Variants in TMEM44 observed in about 807,000 individuals in gnomAD.
TMEM44 encodes the protein transmembrane protein 44.
A neutral mutation model predicts 47.8 loss-of-function variants in TMEM44; 43 were observed. The ratio of observed to expected loss-of-function variants is 0.90; its 90% CI spans 0.70 to 1.16. The LOEUF (loss-of-function observed/expected upper bound fraction) is 1.16. Among genes scored for constraint, TMEM44 ranks in the 50% most tolerant of loss-of-function variants. The probability of loss-of-function intolerance (pLI) is 0.00; values close to 1 mark genes in which losing one functional copy is unlikely to be tolerated. For synonymous variants in TMEM44, 277 were observed against 238.8 expected (o/e 1.16, Z -1.48); for missense variants, 568 against 555.2 (o/e 1.02, Z -0.23).
intron 8 of TMEM44, among the ~76,000 whole-genome samples, chr3:194,608,739 C>T (rs970375435): frequency 2.6e-5 from 4 of 152,154 alleles, no homozygotes; most frequent in African/African-American, 4.8e-5. Flanking sequence ...GATGGGGTCT[C>T]GCTATGTGGT....
intron 5 of TMEM44, among the ~76,000 whole-genome samples, chr3:194,619,888 T>C (rs1169895014): frequency 2.6e-5 from 4 of 152,136 alleles, no homozygotes; most frequent in East Asian, 3.9e-4. Flanking sequence ...CAGGCTTCAA[T>C]ACCTTGTAGT....
chr3:194,603,104 C>A (rs899814442), intron 9 of TMEM44, among the ~76,000 whole-genome samples: 15 of 152,224 alleles, frequency 9.9e-5, no homozygotes, highest in African/African-American at 3.4e-4. Context: ...TTGTGGTTCT[C>A]ATTTTTCCAC....
At chr3:194,617,052 C>A (rs1051764436) in intron 6 of TMEM44, 47 bp downstream of exon 6, 1 of 1,444,788 alleles carries the variant, frequency 6.9e-7, no homozygotes, top group East Asian at 2.6e-5. Flanking sequence ...GAGACACAGG[C>A]CTCCTCTGGC....
chr3:194,625,126 C>T (rs1717002840), intron 3 of TMEM44, among the ~76,000 whole-genome samples: 2 of 152,230 alleles, frequency 1.3e-5, no homozygotes, highest in Non-Finnish European at 2.9e-5. Flanking sequence ...CATTTCCGAC[C>T]CCTGCTGTGC....
intron 7 of TMEM44, among the ~76,000 whole-genome samples, chr3:194,613,297 C>A (rs1435812663): frequency 6.6e-6 from 1 of 151,954 alleles, no homozygotes; most frequent in Non-Finnish European, 1.5e-5. Flanking sequence ...CATGTCTCAG[C>A]CTCCTGAGTA....
chr3:194,613,821 T>C (rs1715590186), intron 7 of TMEM44, among the ~76,000 whole-genome samples: 1 of 150,650 alleles, frequency 6.6e-6, no homozygotes. Context: ...ATCAGATTTC[T>C]AGCATAAAAA....
chr3:194,620,625 A>G (rs1166389980), intron 5 of TMEM44, among the ~76,000 whole-genome samples: 1 of 152,186 alleles, frequency 6.6e-6, no homozygotes, highest in Admixed American at 6.6e-5. Flanking sequence ...GTTACAAATG[A>G]TCTGAAGAAA....
In TMEM44 at chr3:194,588,000, A is replaced by G. The variant is rs1255269009; in HGVS notation, c.*529T>C. The G allele has an allele frequency of 6.5e-6, 1 of 153,394 alleles. No homozygotes were observed. The highest frequency in any genetic ancestry group is 1.5e-5 in the Non-Finnish European group (1 of 68,906). 9.5% of individuals were successfully genotyped at this position (153,394 alleles called of 1,614,324 possible). On this transcript the variant is annotated 3_prime_UTR_variant, in exon 10 of 10. Coordinates refer to ENST00000347147, the MANE Select transcript of TMEM44 (RefSeq NM_001011655.3). ...GGTTGGCCACACAGTCCTATCGATA[A>G]CTTCCAGCAGATAACCCAAGTGGGT...
chr3:194,608,849 A>AG (rs1408150568), intron 8 of TMEM44, among the ~76,000 whole-genome samples: 1 of 152,198 alleles, frequency 6.6e-6, no homozygotes, highest in Non-Finnish European at 1.5e-5. Flanking sequence ...TCTGGCCCAG[A>AG]GGAGTGTTTT....
chr3:194,620,043 C>G (rs1041040305), intron 5 of TMEM44, among the ~76,000 whole-genome samples: 1 of 152,108 alleles, frequency 6.6e-6, no homozygotes, highest in African/African-American at 2.4e-5. Flanking sequence ...GTAATCCCAG[C>G]ACTTTGGAAG....
chr3:194,588,436 C>G lies in TMEM44; in HGVS notation c.*93G>C. The G allele has an allele frequency of 8.8e-7, 1 of 1,131,104 alleles. No homozygotes were observed. The highest frequency in any genetic ancestry group is 1.3e-6 in the Non-Finnish European group (1 of 771,010). The allele number at this position is 1,131,104 out of a possible 1,614,324, so 70.1% of individuals were successfully genotyped here. ...TCACTTGCCAGGGCAGCTTCAGTTC[C>G]TGCCGCGGTGTCAGTGCAGATTGAT... On this transcript the variant is annotated 3_prime_UTR_variant, in exon 10 of 10. Transcript: ENST00000347147.
chr3:194,616,163 C>T (rs1300986010), intron 6 of TMEM44, among the ~76,000 whole-genome samples: 3 of 151,958 alleles, frequency 2.0e-5, no homozygotes, highest in Non-Finnish European at 1.5e-5. Flanking sequence ...GCGATTCTCT[C>T]GCCTCAGCCT....
At chr3:194,631,283 A>G (rs1395519063) in intron 1 of TMEM44, among the ~76,000 whole-genome samples, 2 of 152,016 alleles carry the variant, frequency 1.3e-5, no homozygotes, top group African/African-American at 4.8e-5. Context: ...ACATTGTCGT[A>G]CCTGCCTCCT....
At chr3:194,632,798 G>C (rs1717955078) in intron 1 of TMEM44, 1 of 426,076 alleles carries the variant, frequency 2.3e-6, no homozygotes, top group Non-Finnish European at 4.2e-6. Flanking sequence ...AGTCAATGGC[G>C]AAGGGCTGAC....
intron 8 of TMEM44, among the ~76,000 whole-genome samples, chr3:194,607,731 G>A (rs1156849043): frequency 1.3e-5 from 2 of 151,852 alleles, no homozygotes; most frequent in South Asian, 2.1e-4. Flanking sequence ...TAAGTACCAC[G>A]TAAGTGTTGG....
At chr3:194,621,347 C>T (rs745342048) in intron 5 of TMEM44, among the ~76,000 whole-genome samples, 2 of 152,172 alleles carry the variant, frequency 1.3e-5, no homozygotes, top group Admixed American at 6.5e-5. Context: ...CCTCTGGCAC[C>T]GAGACAATAA....
At chr3:194,626,891 T>G (rs1007681407) in intron 2 of TMEM44, among the ~76,000 whole-genome samples, 3 of 148,302 alleles carry the variant, frequency 2.0e-5, no homozygotes, top group African/African-American at 5.0e-5. Flanking sequence ...TAGTTTTTAA[T>G]AAATATTATT....
Position 194,633,146 on chromosome 3 carries a change from G to T in TMEM44, c.70C>A (p.His24Asn), listed in dbSNP as rs1675955. The change falls in exon 1 of 10, where the codon CAC becomes AAC. Residue 24 changes from histidine (H) to asparagine (N), a missense_variant. Transcript: ENST00000347147. ...WDYLDRCFARHRVCISFGLWI... is the reference protein window; with the variant it reads ...WDYLDRCFARNRVCISFGLWI... ...AGGCCGAAGGAGATGCAGACGCGGT[G>T]GCGGGCGAAGCAGCGGTCCAGGTAG... 708,818 of 1,549,372 alleles carry T rather than the reference G, an allele frequency of 0.46. 165,453 individuals are homozygous for T. Among genetic ancestry groups the T allele is most frequent in the Non-Finnish European group, 0.48 (555,255 of 1,147,026 alleles).
intron 8 of TMEM44, among the ~76,000 whole-genome samples, chr3:194,606,411 G>A (rs813150): frequency 0.79 from 120,716 of 152,128 alleles, 48,092 homozygotes; most frequent in East Asian, 0.99. Context: ...TTTCCCCACA[G>A]TCTTGCCCAT....
Sources: gnomAD v4.1 joint callset for allele counts (sites outside exome capture counted in the v4.1 genomes callset) on GRCh38, gnomAD v4.1.1 for gene constraint, MANE v1.5 for transcripts, NCBI Gene and HGNC (gene_info 2026-07-23, HGNC 2026-07-21) for gene names.